C2orf72: variants seen among roughly 807,000 people sequenced by gnomAD.
C2orf72 encodes chromosome 2 open reading frame 72, also known as uncharacterized protein C2orf72.
C2orf72 carries 16 observed loss-of-function variants against 14.4 expected under a neutral mutation model. The observed-to-expected ratio is 1.11, with a 90% CI of 0.75 to 1.69. The LOEUF is 1.69. Ranked by LOEUF, C2orf72 falls within the 40% of genes most tolerant of loss-of-function variation. The pLI, the probability that C2orf72 is intolerant of heterozygous loss-of-function variation, is 0.00. For missense variants in C2orf72, 371 were observed against 358.3 expected, an observed-to-expected ratio of 1.04 and a Z score of -0.29; for synonymous variants, 168 against 176.8, an observed-to-expected ratio of 0.95 and a Z score of 0.40.
chr2:231,046,087 G>A (rs1176972665), intron 2 of C2orf72, among the ~76,000 whole-genome samples: 1 of 152,174 alleles, frequency 6.6e-6, no homozygotes, highest in Non-Finnish European at 1.5e-5. Flanking sequence ...GAGCTCAGGA[G>A]TTCAAGACCA....
chr2:231,045,510 CTTTTTT>C (rs1007020692), intron 2 of C2orf72, among the ~76,000 whole-genome samples: 1 of 87,408 alleles, frequency 1.1e-5, no homozygotes, highest in Non-Finnish European at 2.1e-5. Flanking sequence ...GTGTTTCAAT[CTTTTTT>C]TTTTTTTTTT....
chr2:231,039,210 T>C (rs967976061), intron 1 of C2orf72, among the ~76,000 whole-genome samples: 9 of 150,590 alleles, frequency 6.0e-5, no homozygotes. Flanking sequence ...CATTAGGAGA[T>C]ATACCTAATG....
rs751285691 is a variant in C2orf72 at position 231,048,251 on chromosome 2, C to G, written c.*1230C>G. ...AGAGTCTTCGGAATGGCAAAGGCAG[C>G]TCCTGGATTTCCCTGGAGGGGAGGC... is the stretch of plus-strand genomic sequence containing the variant. On this transcript the variant is annotated 3_prime_UTR_variant, in exon 3 of 3. Coordinates refer to ENST00000373640, the MANE Select transcript of C2orf72 (RefSeq NM_001144994.2). The G allele has an allele frequency of 6.6e-6, 1 of 152,278 alleles. No homozygotes were observed. The highest frequency in any genetic ancestry group is 1.5e-5 in the Non-Finnish European group (1 of 68,068). The allele number at this position is 152,278 out of a possible 1,614,324, so 9.4% of individuals were successfully genotyped here.
intron 1 of C2orf72, among the ~76,000 whole-genome samples, chr2:231,040,171 T>A (rs1693320991): frequency 2.0e-5 from 3 of 152,202 alleles, no homozygotes; most frequent in Non-Finnish European, 4.4e-5. Flanking sequence ...GAAGCCTCCC[T>A]TGACCTTCCC....
rs2125140115 is a variant in C2orf72, at chr2:231,048,299, C to G, written c.*1278C>G. The G allele has an allele frequency of 6.6e-6, 1 of 152,388 alleles. No individual in the cohort carries two copies. Among genetic ancestry groups the G allele is most frequent in the African/African-American group, 2.4e-5 (1 of 41,590 alleles). 9.4% of individuals were successfully genotyped at this position (152,388 alleles called of 1,614,324 possible). A position where few individuals can be genotyped will look rare whatever the true frequency, so the allele number is the denominator to read the frequency against. Reference sequence around the variant, plus strand: ...GGCACTAGCTGAGGGAAGTAGCTCCCTTCATTCATGATGCACAGTTTACGC... The same window carrying G: ...GGCACTAGCTGAGGGAAGTAGCTCCGTTCATTCATGATGCACAGTTTACGC... On this transcript the variant is annotated 3_prime_UTR_variant, in exon 3 of 3. Transcript: ENST00000373640.
chr2:231,041,202 A>AC, intron 1 of C2orf72, 94 bp from the exon 2 acceptor site: 1 of 856,894 alleles, frequency 1.2e-6, no homozygotes, highest in East Asian at 2.9e-5. Flanking sequence ...AGGGCAGTTG[A>AC]CCGTTGGGGC....
intron 2 of C2orf72, among the ~76,000 whole-genome samples, chr2:231,046,577 C>G (rs1330328922): frequency 6.6e-6 from 1 of 152,108 alleles, no homozygotes; most frequent in African/African-American, 2.4e-5. Context: ...TCAGGGACCC[C>G]ACCAAACACC....
chr2:231,039,640 T>G lies in C2orf72; in HGVS notation c.634+1441T>G, dbSNP rs1212935437. Among the ~76,000 whole-genome samples, 8 of 152,186 alleles carry G rather than the reference T, an allele frequency of 5.3e-5. No homozygotes were observed. The East Asian group carries it at 1.5e-3, about 29-fold the overall frequency. ...CCTTAGGGTGCAATCCATTTTTTTG[T>G]TGAGGCTGTGATTGTTCTGATTTTT... On this transcript the variant is annotated intron_variant, in intron 1 of 2. Transcript: ENST00000373640.
chr2:231,037,840 C>CGGG lies in C2orf72; in HGVS notation c.278_280dup (p.Gly93dup). On this transcript the variant is annotated inframe_insertion, in exon 1 of 3. Transcript: ENST00000373640. ...AGGGCGGCGAGGGCGGCTGGGGCGG[C>CGGG]GGGGGCGGCGGCGGCGGCGGCGCGC... The CGGG allele has an allele frequency of 2.0e-6, 2 of 977,998 alleles. No individual in the cohort carries two copies. Among genetic ancestry groups the CGGG allele is most frequent in the Non-Finnish European group, 2.4e-6 (2 of 826,992 alleles). 60.6% of individuals were successfully genotyped at this position (977,998 alleles called of 1,614,324 possible).
At chr2:231,042,373 C>T (rs1693355680) in intron 2 of C2orf72, among the ~76,000 whole-genome samples, 1 of 152,166 alleles carries the variant, frequency 6.6e-6, no homozygotes, top group South Asian at 2.1e-4. Flanking sequence ...ACATATATAC[C>T]TACGATAAAG....
In C2orf72 at chr2:231,040,329, C is replaced by G. The variant is rs1421434329; in HGVS notation, c.635-967C>G. On this transcript the variant is annotated intron_variant, in intron 1 of 2. Transcript: ENST00000373640. ...CCATCTGCAGTCCCATTTCCTGATA[C>G]CCTGCCTGGCATGCAGACAGAGTGA... 2.0e-5 allele frequency among the ~76,000 whole-genome samples: 3 copies of G among 152,340 alleles called. No individual in the cohort carries two copies. The East Asian group carries it at 5.8e-4, about 29-fold the overall frequency.
chr2:231,038,143 T>C lies in C2orf72; in HGVS notation c.578T>C (p.Leu193Pro), dbSNP rs1693286123. 8.7e-7 allele frequency: 1 copy of C among 1,148,870 alleles called. No individual in the cohort carries two copies. The highest frequency in any genetic ancestry group is 1.6e-5 in the African/African-American group (1 of 60,756). 71.2% of individuals were successfully genotyped at this position (1,148,870 alleles called of 1,614,324 possible). The change falls in exon 1 of 3, where the codon CTG becomes CCG. Residue 193 changes from leucine to proline, a missense_variant. Leu to Pro is a moderately conservative substitution (Grantham distance 98). Coordinates refer to ENST00000373640, the MANE Select transcript of C2orf72 (RefSeq NM_001144994.2). ...AYCPGLPASC[L>P]AVQAAACRAL... ...TGCCCCGGCCTCCCGGCCTCCTGCC[T>C]GGCCGTCCAGGCGGCCGCCTGCAGG...
chr2:231,042,922 T>C (rs1693362765), intron 2 of C2orf72, among the ~76,000 whole-genome samples: 1 of 152,228 alleles, frequency 6.6e-6, no homozygotes, highest in Non-Finnish European at 1.5e-5. Flanking sequence ...AAGAACTGCT[T>C]GGACCCCGGA....
rs752587565 is a variant in C2orf72, at chr2:231,041,341, GC to G, written c.681del (p.Ser229ProfsTer33). 43 of 1,551,526 alleles carry G rather than the reference GC, an allele frequency of 2.8e-5. No individual in the cohort carries two copies. Among genetic ancestry groups the G allele is most frequent in the Non-Finnish European group, 3.7e-5 (42 of 1,146,920 alleles). ...CCAGGCCTCCCCGGACTGCTAGCCT[GC>G]TTTTCCTGGGGTCCCTGGAGCCGGA... The part of the protein sequence containing the change: ...ERPGLPGLLA[C>X]FSWGPWSRRK... On this transcript the variant is annotated frameshift_variant, in exon 2 of 3. Coordinates refer to ENST00000373640, the MANE Select transcript of C2orf72 (RefSeq NM_001144994.2). LOFTEE classifies it high-confidence loss of function.
At chr2:231,039,437 C>T (rs1200261587) in intron 1 of C2orf72, among the ~76,000 whole-genome samples, 1 of 151,962 alleles carries the variant, frequency 6.6e-6, no homozygotes, top group African/African-American at 2.4e-5. Flanking sequence ...CCCTCCAGCC[C>T]CTTCCTCTTA....
rs977385955 is a variant in C2orf72 at position 231,037,625 on chromosome 2, C to T, written c.60C>T (p.Phe20=). Residue 20 remains phenylalanine (F), a synonymous_variant, in exon 1 of 3, where the codon TTC becomes TTT. Coordinates refer to ENST00000373640, the MANE Select transcript of C2orf72 (RefSeq NM_001144994.2). ...TTGCGCGCCCTGCCGAGCCGCCCTT[C>T]CAGGCGTTGGTGGAAGCGGCGGGGG... is the stretch of plus-strand genomic sequence containing the variant. ...ARLARPAEPP[F]QALVEAAGGR... is the part of the protein sequence containing the mutation. The T allele has an allele frequency of 1.1e-5, 12 of 1,112,868 alleles. No homozygotes were observed. In the African/African-American group the frequency reaches 1.9e-4, roughly 18 times the overall value. 68.9% of individuals were successfully genotyped at this position (1,112,868 alleles called of 1,614,324 possible). A position where few individuals can be genotyped will look rare whatever the true frequency, so the allele number is the denominator to read the frequency against.
chr2:231,039,242 G>A (rs1486653880), intron 1 of C2orf72, among the ~76,000 whole-genome samples: 1 of 150,538 alleles, frequency 6.6e-6, no homozygotes, highest in Admixed American at 6.7e-5. Flanking sequence ...GTTAATGGGT[G>A]CAGCACACTA....
chr2:231,039,801 G>T (rs1326309495), intron 1 of C2orf72, among the ~76,000 whole-genome samples: 2 of 151,240 alleles, frequency 1.3e-5, no homozygotes, highest in Non-Finnish European at 2.9e-5. Flanking sequence ...GGAGTGCAAT[G>T]ATGCGATCTC....
intron 2 of C2orf72, among the ~76,000 whole-genome samples, chr2:231,042,860 C>T (rs971290646): frequency 3.3e-5 from 5 of 152,070 alleles, no homozygotes; most frequent in African/African-American, 4.8e-5. Context: ...CAAAATTAGC[C>T]GGGTGTGGTG....
Sources: allele counts gnomAD v4.1 joint callset (sites outside exome capture counted in the v4.1 genomes callset), GRCh38; gene constraint gnomAD v4.1.1; transcripts MANE v1.5; gene names NCBI Gene and HGNC (gene_info 2026-07-23, HGNC 2026-07-21).